The following CDH18 variants were observed in gnomAD, a reference collection of about 807,000 sequenced individuals.
CDH18 encodes cadherin-18.
Under a neutral mutation model 67.9 loss-of-function variants are expected in CDH18, and 31 were observed. That is an observed-to-expected ratio of 0.46 (90% CI 0.34 to 0.62). The LOEUF (loss-of-function observed/expected upper bound fraction) is 0.62. Ranked by LOEUF, CDH18 falls within the 20% of genes least tolerant of loss-of-function variation. CDH18 has a pLI of 0.01. For synonymous variants in CDH18, 362 were observed against 347.2 expected (o/e 1.04, Z -0.48); for missense variants, 890 against 975.5 (o/e 0.91, Z 1.17).
At chr5:19,597,794 C>T (rs1001038169) in intron 6 of CDH18, among the ~76,000 whole-genome samples, 1 of 152,112 alleles carries the variant, frequency 6.6e-6, no homozygotes, top group African/African-American at 2.4e-5. Flanking sequence ...TGATCATCCC[C>T]TTATATAACT....
At chr5:19,947,369 G>A (rs990643337) in intron 2 of CDH18, among the ~76,000 whole-genome samples, 2 of 151,654 alleles carry the variant, frequency 1.3e-5, no homozygotes, top group African/African-American at 4.8e-5. Context: ...ACTTTTATAG[G>A]AAAAAAGACA....
chr5:20,194,348 C>G (rs899180405), intron 2 of CDH18, among the ~76,000 whole-genome samples: 1 of 152,020 alleles, frequency 6.6e-6, no homozygotes, highest in Non-Finnish European at 1.5e-5. Flanking sequence ...TGTCTTGACT[C>G]GAACTGTGGG....
At chr5:20,109,148 T>C (rs1414712692) in intron 2 of CDH18, among the ~76,000 whole-genome samples, 1 of 152,118 alleles carries the variant, frequency 6.6e-6, no homozygotes, top group Non-Finnish European at 1.5e-5. Flanking sequence ...GAATAAACAA[T>C]GTGACAGACA....
chr5:19,517,402 T>A (rs1190710963), intron 10 of CDH18, among the ~76,000 whole-genome samples: 2 of 151,996 alleles, frequency 1.3e-5, no homozygotes, highest in African/African-American at 4.8e-5. Flanking sequence ...TTTTTTATCA[T>A]CTTAACAGAC....
intron 2 of CDH18, among the ~76,000 whole-genome samples, chr5:20,179,773 C>A (rs2126679001): frequency 6.6e-6 from 1 of 152,140 alleles, no homozygotes; most frequent in South Asian, 2.1e-4. Flanking sequence ...GAATCAGGGC[C>A]CATTTTTATC....
intron 5 of CDH18, among the ~76,000 whole-genome samples, chr5:19,613,621 T>C (rs1304425188): frequency 1.3e-5 from 2 of 152,170 alleles, no homozygotes; most frequent in East Asian, 1.9e-4. Context: ...ATGAAAAATA[T>C]TAAATACCCA....
intron 1 of CDH18, among the ~76,000 whole-genome samples, chr5:20,319,450 C>T (rs187404013): frequency 1.8e-4 from 27 of 152,206 alleles, no homozygotes; most frequent in African/African-American, 5.5e-4. Flanking sequence ...TCCCTGTATT[C>T]GTTGCTTCTC....
At chr5:20,121,562 C>G (rs1353097791) in intron 2 of CDH18, among the ~76,000 whole-genome samples, 1 of 152,110 alleles carries the variant, frequency 6.6e-6, no homozygotes, top group Non-Finnish European at 1.5e-5. Context: ...AAAACAGGTG[C>G]AAGACACAAC....
chr5:20,068,945 A>C (rs1407743080), intron 2 of CDH18, among the ~76,000 whole-genome samples: 1 of 152,132 alleles, frequency 6.6e-6, no homozygotes, highest in Non-Finnish European at 1.5e-5. Flanking sequence ...TTATCACCCT[A>C]ATTAGTTCAG....
chr5:20,126,204 C>T (rs769787070), intron 2 of CDH18, among the ~76,000 whole-genome samples: 11 of 152,122 alleles, frequency 7.2e-5, no homozygotes, highest in African/African-American at 2.4e-4. Flanking sequence ...GTAAAATACA[C>T]GCTACGAAAG....
At chr5:19,519,650 T>C (rs1202177273) in intron 10 of CDH18, among the ~76,000 whole-genome samples, 1 of 152,172 alleles carries the variant, frequency 6.6e-6, no homozygotes, top group Non-Finnish European at 1.5e-5. Flanking sequence ...ACTCACTTGA[T>C]TACATTACAT....
intron 1 of CDH18, among the ~76,000 whole-genome samples, chr5:20,491,233 A>G (rs1271983586): frequency 6.6e-6 from 1 of 151,288 alleles, no homozygotes; most frequent in Non-Finnish European, 1.5e-5. Context: ...AAAAGAATTT[A>G]GAAACTTGAG....
chr5:19,498,855 C>T (rs1040306458), intron 11 of CDH18, among the ~76,000 whole-genome samples: 4 of 152,182 alleles, frequency 2.6e-5, no homozygotes, highest in Middle Eastern at 3.2e-3. Context: ...TGTTAAGCTT[C>T]ATTCATCATT....
chr5:19,992,178 T>C (rs1294142594), upstream of CDH18, among the ~76,000 whole-genome samples: 5 of 152,116 alleles, frequency 3.3e-5, no homozygotes, highest in African/African-American at 1.2e-4. Flanking sequence ...ATCCATGTGT[T>C]CACTTTTTAG....
intron 3 of CDH18, among the ~76,000 whole-genome samples, chr5:19,761,532 AATC>A (rs1488820566): frequency 6.6e-6 from 1 of 152,096 alleles, no homozygotes; most frequent in Non-Finnish European, 1.5e-5. Flanking sequence ...TTCTGGGTCT[AATC>A]ATATTAGGCA....
chr5:19,595,540 C>T (rs1746036608), intron 6 of CDH18, among the ~76,000 whole-genome samples: 1 of 152,208 alleles, frequency 6.6e-6, no homozygotes, highest in South Asian at 2.1e-4. Flanking sequence ...AGGAGAATCG[C>T]TTGAACCTGG....
chr5:20,302,766 C>T (rs1032759827), intron 1 of CDH18, among the ~76,000 whole-genome samples: 1 of 152,194 alleles, frequency 6.6e-6, no homozygotes, highest in African/African-American at 2.4e-5. Context: ...ACACGTGAGC[C>T]CTTGGGCACT....
chr5:20,060,086 G>A (rs1362678727), intron 2 of CDH18, among the ~76,000 whole-genome samples: 1 of 152,020 alleles, frequency 6.6e-6, no homozygotes, highest in African/African-American at 2.4e-5. Context: ...TAACAAACGT[G>A]CACATTCTGC....
intron 1 of CDH18, among the ~76,000 whole-genome samples, chr5:20,509,806 G>A (rs1028715402): frequency 6.6e-6 from 1 of 152,182 alleles, no homozygotes; most frequent in Admixed American, 6.6e-5. Context: ...AGGACACTTA[G>A]GTTAATTCCA....
Sources: allele counts gnomAD v4.1 joint callset (sites outside exome capture counted in the v4.1 genomes callset), GRCh38; gene constraint gnomAD v4.1.1; transcripts MANE v1.5; gene names NCBI Gene and HGNC (gene_info 2026-07-23, HGNC 2026-07-21).